Variants in ZNF766 observed in about 807,000 individuals in gnomAD.
ZNF766 encodes zinc finger protein 766.
In ZNF766, 13 loss-of-function variants were observed where a neutral mutation model predicts 13.2. That is an observed-to-expected ratio of 0.98 (90% CI 0.64 to 1.56). The LOEUF (loss-of-function observed/expected upper bound fraction) is 1.56. ZNF766 is among the 40% of genes most tolerant of loss of function. The pLI is 0.00. For missense variants in ZNF766, 521 were observed against 552.2 expected (o/e 0.94, Z 0.57); for synonymous variants, 178 against 187.6 (o/e 0.95, Z 0.42).
intron 3 of ZNF766, among the ~76,000 whole-genome samples, chr19:52,289,341 G>A (rs1026005105): frequency 3.3e-5 from 5 of 150,300 alleles, no homozygotes; most frequent in Middle Eastern, 3.6e-3. Context: ...GGGTGGAGAC[G>A]GGGTTTCACC....
At chr19:52,283,515 G>A in intron 3 of ZNF766, 102 bp downstream of exon 3, 1 of 1,382,378 alleles carries the variant, frequency 7.2e-7, no homozygotes, top group Non-Finnish European at 9.5e-7. Context: ...ATAGCTCACT[G>A]CAGCTTTGAA....
intron 1 of ZNF766, among the ~76,000 whole-genome samples, chr19:52,274,107 A>T (rs965116889): frequency 1.3e-5 from 2 of 152,132 alleles, no homozygotes; most frequent in African/African-American, 4.8e-5. Flanking sequence ...GGATGATACA[A>T]TCTCTCACTG....
chr19:52,278,334 T>G (rs1331215077), intron 1 of ZNF766, among the ~76,000 whole-genome samples: 1 of 152,236 alleles, frequency 6.6e-6, no homozygotes, highest in Non-Finnish European at 1.5e-5. Context: ...CTGAGCTTTT[T>G]TTCCATATGC....
rs1982076984 is a variant in ZNF766, at chr19:52,290,518, T to G, written c.727T>G (p.Tyr243Asp). Residue 243 changes from tyrosine (Y) to aspartate (D), a missense_variant, in exon 4 of 4, where the codon TAC becomes GAC. By Grantham distance (160) the Tyr-to-Asp change is radical (BLOSUM62 -3). Transcript: ENST00000439461. ...HWRIRTGEKP[Y>D]KCKECGKLFN... ...GAGAATTCGTACAGGAGAGAAACCT[T>G]ACAAATGTAAAGAGTGTGGCAAGCT... 1 of 1,614,050 alleles carries G rather than the reference T, an allele frequency of 6.2e-7. No individual in the cohort carries two copies. Among genetic ancestry groups the G allele is most frequent in the Admixed American group, 1.7e-5 (1 of 60,004 alleles).
In ZNF766 at chr19:52,292,408, G is replaced by A. The variant is rs183005274; in HGVS notation, c.*1210G>A. The A allele has an allele frequency of 3.1e-4, 159 of 507,802 alleles. No homozygotes were observed. In the East Asian group the frequency reaches 4.3e-3, roughly 14 times the overall value. 31.5% of individuals were successfully genotyped at this position (507,802 alleles called of 1,614,324 possible). ...TACAAATGACCATGAAATAGAGCAC[G>A]CCATGACTTTAGGACACAGGGATTT... is the stretch of plus-strand genomic sequence containing the variant. On this transcript the variant is annotated 3_prime_UTR_variant, in exon 4 of 4. Transcript: ENST00000439461.
At chr19:52,287,076 C>T (rs139779589) in intron 3 of ZNF766, among the ~76,000 whole-genome samples, 2,675 of 152,204 alleles carry the variant, frequency 0.018, 90 homozygotes, top group African/African-American at 0.061. Context: ...CTCAGGTGAT[C>T]TGCCTGCCTC....
rs1436046489 is a variant in ZNF766 at position 52,269,632 on chromosome 19, G to A, written c.18+1G>A. ...TGGAGATATGGCGCAACTGCGGCGCGTGAGTTTTCCTTTGTTTAGATTAAG... is the reference window on the plus strand; with the variant it reads ...TGGAGATATGGCGCAACTGCGGCGCATGAGTTTTCCTTTGTTTAGATTAAG... On this transcript the variant is annotated splice_donor_variant, in intron 1 of 3. Coordinates refer to ENST00000439461, the MANE Select transcript of ZNF766 (RefSeq NM_001010851.3). LOFTEE classifies it high-confidence loss of function. The A allele has an allele frequency of 1.9e-6, 3 of 1,612,690 alleles. No individual in the cohort carries two copies. Among genetic ancestry groups the A allele is most frequent in the Non-Finnish European group, 8.5e-7 (1 of 1,179,662 alleles).
At chr19:52,277,074 T>G in intron 1 of ZNF766, 1 of 995,750 alleles carries the variant, frequency 1.0e-6, no homozygotes, top group Non-Finnish European at 1.2e-6. Flanking sequence ...CAGGGTGAGG[T>G]CTTCCCTGCG....
rs570833906 is a variant in ZNF766 at position 52,293,113 on chromosome 19, G to C, written c.*1915G>C. 1 of 151,368 alleles carries C rather than the reference G, an allele frequency of 6.6e-6. No homozygotes were observed. The highest frequency in any genetic ancestry group is 2.1e-4 in the South Asian group (1 of 4,796). 9.4% of individuals were successfully genotyped at this position (151,368 alleles called of 1,614,324 possible). ...AGTTTGCTGAGAATGATGGTTTCCAGCTTCATCAATGTCCCTGCAAAGGAC... is the reference window on the plus strand; with the variant it reads ...AGTTTGCTGAGAATGATGGTTTCCACCTTCATCAATGTCCCTGCAAAGGAC... On this transcript the variant is annotated 3_prime_UTR_variant, in exon 4 of 4. Coordinates refer to ENST00000439461, the MANE Select transcript of ZNF766 (RefSeq NM_001010851.3).
Position 52,290,046 on chromosome 19 carries a change from C to T in ZNF766, c.275-20C>T. The T allele has an allele frequency of 6.4e-7, 1 of 1,571,642 alleles. No individual in the cohort carries two copies. Among genetic ancestry groups the T allele is most frequent in the South Asian group, 1.2e-5 (1 of 83,912 alleles). On this transcript the variant is annotated intron_variant, in intron 3 of 3. Coordinates refer to ENST00000439461, the MANE Select transcript of ZNF766 (RefSeq NM_001010851.3). ...GCCAGAACCATGGGTTCAAATTATA[C>T]TCTTTACTTGCTTTCCTAGGGAGGA...
intron 1 of ZNF766, among the ~76,000 whole-genome samples, chr19:52,281,112 A>G (rs908752505): frequency 6.0e-5 from 9 of 149,804 alleles, no homozygotes; most frequent in South Asian, 2.1e-4. Flanking sequence ...CCGAGATCGC[A>G]CCATTGCACT....
intron 3 of ZNF766, among the ~76,000 whole-genome samples, chr19:52,283,823 C>T (rs1051526727): frequency 5.9e-5 from 9 of 152,176 alleles, no homozygotes; most frequent in South Asian, 2.1e-4. Flanking sequence ...CTGCAACCTC[C>T]GCCTCCCGGG....
intron 3 of ZNF766, among the ~76,000 whole-genome samples, chr19:52,286,579 GTT>G (rs1424451021): frequency 6.6e-6 from 1 of 150,528 alleles, no homozygotes; most frequent in African/African-American, 2.5e-5. Flanking sequence ...CCTGGCGAGT[GTT>G]TTTATCATAA....
At chr19:52,283,144 C>T in intron 2 of ZNF766, 141 bp from the exon 3 acceptor site, 1 of 948,700 alleles carries the variant, frequency 1.1e-6, no homozygotes. Flanking sequence ...TCTCCAGCAT[C>T]TGTTGCTTGC....
chr19:52,289,950 G>T, intron 3 of ZNF766, 116 bp from the exon 4 acceptor site: 1 of 1,059,660 alleles, frequency 9.4e-7, no homozygotes, highest in South Asian at 1.7e-5. Flanking sequence ...GCAGTGATCC[G>T]AGATCGTGCC....
At chr19:52,286,853 T>G (rs1290288736) in intron 3 of ZNF766, among the ~76,000 whole-genome samples, 1 of 152,088 alleles carries the variant, frequency 6.6e-6, no homozygotes, top group Non-Finnish European at 1.5e-5. Context: ...TTTGTTTTGT[T>G]TTAAGATGGA....
intron 3 of ZNF766, among the ~76,000 whole-genome samples, chr19:52,283,882 C>T (rs527770708): frequency 4.1e-4 from 63 of 152,246 alleles, no homozygotes; most frequent in African/African-American, 1.4e-3. Flanking sequence ...GGATTACAGG[C>T]GTGCGCCACC....
At chr19:52,284,489 A>G (rs1052424279) in intron 3 of ZNF766, among the ~76,000 whole-genome samples, 1 of 152,156 alleles carries the variant, frequency 6.6e-6, no homozygotes, top group Non-Finnish European at 1.5e-5. Context: ...CTACTCTCAC[A>G]TGCTACTTGG....
chr19:52,279,199 T>G (rs1391467454), intron 1 of ZNF766, among the ~76,000 whole-genome samples: 15 of 152,210 alleles, frequency 9.9e-5, no homozygotes, highest in Admixed American at 1.3e-4. Context: ...CACGGCCTTA[T>G]TTCTGGGCTG....
Sources: gnomAD v4.1 joint callset for allele counts (sites outside exome capture counted in the v4.1 genomes callset) on GRCh38, gnomAD v4.1.1 for gene constraint, MANE v1.5 for transcripts, NCBI Gene and HGNC (gene_info 2026-07-23, HGNC 2026-07-21) for gene names.